Variants in THSD7B observed in about 807,000 individuals in gnomAD.
THSD7B encodes thrombospondin type-1 domain-containing protein 7B.
In THSD7B, 138 loss-of-function variants were observed where a neutral mutation model predicts 213.6. The ratio of observed to expected loss-of-function variants is 0.65; its 90% CI spans 0.56 to 0.74. The LOEUF (loss-of-function observed/expected upper bound fraction) is 0.74. Among genes scored for constraint, THSD7B ranks in the 30% least tolerant of loss-of-function variants. The probability of loss-of-function intolerance (pLI) is 0.00; values close to 1 mark genes in which losing one functional copy is unlikely to be tolerated. For missense variants in THSD7B, 1,931 were observed against 1,991.5 expected, an observed-to-expected ratio of 0.97 and a Z score of 0.58; for synonymous variants, 742 against 687.0, an observed-to-expected ratio of 1.08 and a Z score of -1.25.
intron 17 of THSD7B, among the ~76,000 whole-genome samples, chr2:137,588,162 C>T (rs376688381): frequency 1.3e-5 from 2 of 152,148 alleles, no homozygotes; most frequent in African/African-American, 2.4e-5. Flanking sequence ...CCTGGTCTGC[C>T]GTTTGCTAAG....
At chr2:137,285,970 G>T (rs1683164944) in intron 12 of THSD7B, among the ~76,000 whole-genome samples, 1 of 151,790 alleles carries the variant, frequency 6.6e-6, no homozygotes, top group African/African-American at 2.4e-5. Context: ...CGGGCACGGT[G>T]GTGGGTGCCG....
At chr2:137,268,312 C>T (rs556117930) in intron 10 of THSD7B, among the ~76,000 whole-genome samples, 1 of 150,000 alleles carries the variant, frequency 6.7e-6, no homozygotes, top group Non-Finnish European at 1.5e-5. Flanking sequence ...CAGGCCCCCA[C>T]CCCCCAACAG....
intron 15 of THSD7B, among the ~76,000 whole-genome samples, chr2:137,545,508 T>C (rs975058169): frequency 6.6e-6 from 1 of 151,822 alleles, no homozygotes; most frequent in African/African-American, 2.4e-5. Context: ...GACCACATTA[T>C]CAATTTAATA....
At chr2:137,027,706 T>C (rs1686581332) in intron 2 of THSD7B, among the ~76,000 whole-genome samples, 1 of 152,180 alleles carries the variant, frequency 6.6e-6, no homozygotes, top group Admixed American at 6.5e-5. Flanking sequence ...ACAGGGACTT[T>C]TACACCAGTG....
chr2:137,359,817 T>A (rs1373711216), intron 12 of THSD7B, among the ~76,000 whole-genome samples: 2 of 152,196 alleles, frequency 1.3e-5, no homozygotes, highest in East Asian at 3.8e-4. Flanking sequence ...TCTGCTATAC[T>A]TATCTTGCTG....
chr2:137,322,380 T>C (rs1343594497), intron 12 of THSD7B, among the ~76,000 whole-genome samples: 1 of 152,196 alleles, frequency 6.6e-6, no homozygotes, highest in Admixed American at 6.5e-5. Context: ...GCACATAGCA[T>C]GGAGCCTGAC....
At chr2:137,101,814 C>T (rs2104925556) in intron 4 of THSD7B, among the ~76,000 whole-genome samples, 1 of 152,344 alleles carries the variant, frequency 6.6e-6, no homozygotes, top group East Asian at 1.9e-4. Context: ...CGCCACAAAG[C>T]TGCTGTAGCC....
At chr2:137,604,315 A>G (rs1682131950) in intron 17 of THSD7B, among the ~76,000 whole-genome samples, 1 of 152,140 alleles carries the variant, frequency 6.6e-6, no homozygotes, top group Non-Finnish European at 1.5e-5. Context: ...GCTATGTGAT[A>G]TATGTCTTTA....
chr2:137,041,837 A>C (rs565818168), intron 2 of THSD7B, among the ~76,000 whole-genome samples: 5 of 152,204 alleles, frequency 3.3e-5, no homozygotes, highest in Non-Finnish European at 2.9e-5. Context: ...TGTGTGGCCA[A>C]TAAAGTACAT....
chr2:137,074,928 G>T (rs966995180), intron 3 of THSD7B, among the ~76,000 whole-genome samples: 7 of 152,142 alleles, frequency 4.6e-5, no homozygotes, highest in Non-Finnish European at 8.8e-5. Flanking sequence ...CTCTCTTCTG[G>T]CTTGTGGAGT....
intron 3 of THSD7B, 68 bp from the exon 4 acceptor site, chr2:137,094,805 G>A (rs1351906284): frequency 6.6e-7 from 1 of 1,519,112 alleles, no homozygotes; most frequent in East Asian, 2.3e-5. Flanking sequence ...TCTCATGGTA[G>A]GCACTTTATA....
chr2:137,369,530 A>T (rs1394222466), intron 12 of THSD7B, among the ~76,000 whole-genome samples: 1 of 152,168 alleles, frequency 6.6e-6, no homozygotes. Context: ...TAAATCCAAG[A>T]TTATATTTGG....
Position 137,112,920 on chromosome 2 carries a change from T to A in THSD7B, c.1200-2204T>A, listed in dbSNP as rs375104888. Among the ~76,000 whole-genome samples the A allele has an allele frequency of 1.4e-4, 22 of 152,218 alleles. 1 individual carries two copies. The South Asian group carries it at 2.3e-3, about 16-fold the overall frequency. On this transcript the variant is annotated intron_variant, in intron 4 of 27. Transcript: ENST00000409968. ...GGTATTATTATCTCCCTTGTACAGGTAGGAAAACAAAATTGGACCCAAGTC... is the reference window on the plus strand; with the variant it reads ...GGTATTATTATCTCCCTTGTACAGGAAGGAAAACAAAATTGGACCCAAGTC...
At chr2:137,099,206 T>C (rs1688099603) in intron 4 of THSD7B, among the ~76,000 whole-genome samples, 1 of 152,136 alleles carries the variant, frequency 6.6e-6, no homozygotes, top group Admixed American at 6.6e-5. Context: ...GGCATCATGA[T>C]CTTGGATGTC....
At chr2:136,959,843 A>G (rs1242640018) in intron 2 of THSD7B, among the ~76,000 whole-genome samples, 2 of 152,250 alleles carry the variant, frequency 1.3e-5, no homozygotes, top group African/African-American at 4.8e-5. Flanking sequence ...AGAACTGTCA[A>G]GAAAAACTCT....
intron 17 of THSD7B, among the ~76,000 whole-genome samples, chr2:137,598,227 A>G (rs1682001868): frequency 6.6e-6 from 1 of 152,220 alleles, no homozygotes; most frequent in Admixed American, 6.5e-5. Flanking sequence ...ACAGTCTGCT[A>G]GATGGTACAT....
intron 12 of THSD7B, among the ~76,000 whole-genome samples, chr2:137,355,826 C>T (rs1685113442): frequency 6.6e-6 from 1 of 152,164 alleles, no homozygotes; most frequent in South Asian, 2.1e-4. Context: ...GTCACAGAAG[C>T]CAACTGTAGA....
At chr2:137,658,950 TC>T (rs1427949064) in intron 24 of THSD7B, among the ~76,000 whole-genome samples, 2 of 152,234 alleles carry the variant, frequency 1.3e-5, no homozygotes, top group African/African-American at 4.8e-5. Context: ...GTCTCATGTC[TC>T]TTTTACTATC....
chr2:137,599,376 C>A (rs890095378), intron 17 of THSD7B, among the ~76,000 whole-genome samples: 4 of 151,986 alleles, frequency 2.6e-5, no homozygotes, highest in African/African-American at 9.7e-5. Context: ...CCAAAAATCA[C>A]ATGAAAAAAT....
Sources: allele counts gnomAD v4.1 joint callset (sites outside exome capture counted in the v4.1 genomes callset), GRCh38; gene constraint gnomAD v4.1.1; transcripts MANE v1.5; gene names NCBI Gene and HGNC (gene_info 2026-07-23, HGNC 2026-07-21).